PSMD3: variants seen among roughly 807,000 people sequenced by gnomAD.
PSMD3 encodes proteasome 26S subunit, non-ATPase 3.
PSMD3 carries 5 observed loss-of-function variants against 62.8 expected under a neutral mutation model. The observed-to-expected ratio is 0.08, with a 90% confidence interval of 0.04 to 0.17. The LOEUF is 0.17. Among genes scored for constraint, PSMD3 ranks in the 10% least tolerant of loss-of-function variants. PSMD3 has a pLI of 1.00. For missense variants in PSMD3, 524 were observed against 713.6 expected (o/e 0.73, Z 3.03); for synonymous variants, 265 against 283.9 (o/e 0.93, Z 0.67).
At position 39,997,627 on chromosome 17, in the gene PSMD3, C is replaced by G. The variant is rs1980817501; in HGVS notation, c.*46C>G. 1.3e-6 allele frequency: 2 copies of G among 1,589,752 alleles called. No homozygotes were observed. Among genetic ancestry groups the G allele is most frequent in the African/African-American group, 2.7e-5 (2 of 74,450 alleles). On this transcript the variant is annotated 3_prime_UTR_variant, in exon 12 of 12. Transcript: ENST00000264639. The stretch of plus-strand genomic sequence containing the variant: ...TAGGGGGAATGGGGACAGGCTCTTT[C>G]CCCCTTGGGGGTCCCCTGCCCAGGG...
chr17:39,996,486 C>T lies in PSMD3; in HGVS notation c.1476+148C>T, dbSNP rs1980788326. On this transcript the variant is annotated intron_variant, in intron 10 of 11. Transcript: ENST00000264639. The surrounding 1 kb of genome is among the most constrained non-coding windows in gnomAD (Gnocchi z 5.1). The stretch of plus-strand genomic sequence containing the variant: ...TCACTGAGCTGCAGCACAGGGGGCC[C>T]AGAATGGGGAGGGGACTTGGCCATA... 1 of 1,167,384 alleles carries T rather than the reference C, an allele frequency of 8.6e-7. No homozygotes were observed. Among genetic ancestry groups the T allele is most frequent in the Admixed American group, 2.2e-5 (1 of 46,260 alleles). The allele number at this position is 1,167,384 out of a possible 1,614,324, so 72.3% of individuals were successfully genotyped here. A position where few individuals can be genotyped will look rare whatever the true frequency, so the allele number is the denominator to read the frequency against.
chr17:39,982,781 G>A lies in PSMD3; in HGVS notation c.221-1513G>A, dbSNP rs148989834. ...GTGCCTAAGAAACTACTCATTGATT[G>A]CATTCCCTTATTGCTTTGCATTTAA... On this transcript the variant is annotated intron_variant, in intron 1 of 11. Transcript: ENST00000264639. 6.7e-3 allele frequency among the ~76,000 whole-genome samples: 1,017 copies of A among 152,276 alleles called. 5 individuals are homozygous for A. Among genetic ancestry groups the A allele is most frequent in the Non-Finnish European group, 0.011 (747 of 68,012 alleles).
chr17:39,997,593 G>A lies in PSMD3; in HGVS notation c.*12G>A. ...ACAGCTTCCCTTGAGCTGGGGGGCT[G>A]GGGAGGGGTAGGGGGAATGGGGACA... On this transcript the variant is annotated 3_prime_UTR_variant, in exon 12 of 12. Coordinates refer to ENST00000264639, the MANE Select transcript of PSMD3 (RefSeq NM_002809.4). The A allele has an allele frequency of 6.2e-7, 1 of 1,611,642 alleles. No individual in the cohort carries two copies. The highest frequency in any genetic ancestry group is 2.2e-5 in the East Asian group (1 of 44,764).
chr17:39,989,349 G>A (rs1980600396), intron 4 of PSMD3, among the ~76,000 whole-genome samples: 1 of 152,114 alleles, frequency 6.6e-6, no homozygotes, highest in Admixed American at 6.5e-5. Context: ...CCTCCTTCAA[G>A]CCTTCCCTTA....
At chr17:39,992,847 T>C (rs1980692806) in intron 6 of PSMD3, among the ~76,000 whole-genome samples, 1 of 152,190 alleles carries the variant, frequency 6.6e-6, no homozygotes, top group Non-Finnish European at 1.5e-5. Flanking sequence ...GTGTTCTCTC[T>C]GCTCCTTCTC....
Position 39,980,989 on chromosome 17 carries a change from G to T in PSMD3, c.19G>T (p.Ala7Ser). ...GGGTGCCATGAAGCAGGAGGGCTCG[G>T]CGCGGCGCCGCGGCGCGGACAAGGC... MKQEGS[A>S]RRRGADKAKP... Residue 7 changes from alanine to serine, a missense_variant, in exon 1 of 12, where the codon GCG becomes TCG. Coordinates refer to ENST00000264639, the MANE Select transcript of PSMD3 (RefSeq NM_002809.4). The T allele has an allele frequency of 6.5e-7, 1 of 1,546,604 alleles. No individual in the cohort carries two copies. The highest frequency in any genetic ancestry group is 1.2e-5 in the South Asian group (1 of 83,504).
At chr17:39,984,574 T>C in intron 2 of PSMD3, 90 bp downstream of exon 2, 1 of 1,274,662 alleles carries the variant, frequency 7.8e-7, no homozygotes, top group Non-Finnish European at 1.1e-6. Flanking sequence ...CCCATCTTAT[T>C]ACCTGTGGTA....
chr17:39,987,324 T>C (rs1475736100), intron 3 of PSMD3, among the ~76,000 whole-genome samples: 5 of 152,312 alleles, frequency 3.3e-5, no homozygotes, highest in African/African-American at 1.2e-4. Flanking sequence ...GTTTGTTTCC[T>C]TTCCTTACCA....
Position 39,995,596 on chromosome 17 carries a change from G to A in PSMD3, c.1320+69G>A. On this transcript the variant is annotated intron_variant, in intron 9 of 11. Transcript: ENST00000264639. This position sits in a 1 kb window ranked among gnomAD's most constrained non-coding sequence, Gnocchi z 4.1. ...CTGCCAATCTCAGGAGGCAGGAGTGGGAGGAGTTTGGCCAAGGAGGGGAAT... is the reference window on the plus strand; with the variant it reads ...CTGCCAATCTCAGGAGGCAGGAGTGAGAGGAGTTTGGCCAAGGAGGGGAAT... 6.8e-7 allele frequency: 1 copy of A among 1,474,086 alleles called. No individual in the cohort carries two copies. Among genetic ancestry groups the A allele is most frequent in the Non-Finnish European group, 9.5e-7 (1 of 1,055,874 alleles). 91.3% of individuals were successfully genotyped at this position (1,474,086 alleles called of 1,614,324 possible).
rs769448037 is a variant in PSMD3 at position 39,995,551 on chromosome 17, G to A, written c.1320+24G>A. 1 of 1,587,844 alleles carries A rather than the reference G, an allele frequency of 6.3e-7. No individual in the cohort carries two copies. The highest frequency in any genetic ancestry group is 8.6e-7 in the Non-Finnish European group (1 of 1,156,296). On this transcript the variant is annotated intron_variant, in intron 9 of 11. Transcript: ENST00000264639. The surrounding 1 kb of genome is among the most constrained non-coding windows in gnomAD (Gnocchi z 4.1). Reference sequence around the variant, plus strand: ...AGGTGGGGCTGGTTCAGGAACCACAGTGACCAGGTTGTCACTTTCCTGCCA... The same window carrying A: ...AGGTGGGGCTGGTTCAGGAACCACAATGACCAGGTTGTCACTTTCCTGCCA...
intron 1 of PSMD3, among the ~76,000 whole-genome samples, chr17:39,983,194 G>A (rs950756793): frequency 1.1e-4 from 17 of 151,948 alleles, no homozygotes; most frequent in South Asian, 6.2e-4. Flanking sequence ...CACCACGCCC[G>A]GCTAATTTTT....
At chr17:39,994,811 A>G (rs1283274164) in intron 6 of PSMD3, 143 bp from the exon 7 acceptor site, 3 of 691,414 alleles carry the variant, frequency 4.3e-6, no homozygotes, top group East Asian at 5.5e-5. Flanking sequence ...ACAGGTTTTC[A>G]GGGCTTCCTC....
At chr17:39,997,433 G>T in intron 11 of PSMD3, 53 bp downstream of exon 11, 1 of 1,593,564 alleles carries the variant, frequency 6.3e-7, no homozygotes, top group African/African-American at 1.5e-5. Flanking sequence ...CCACACAGAA[G>T]GGGAGTCGGG....
At chr17:39,981,267 G>A in intron 1 of PSMD3, 77 bp downstream of exon 1, 2 of 1,537,080 alleles carry the variant, frequency 1.3e-6, no homozygotes, top group Non-Finnish European at 1.7e-6. Flanking sequence ...TTGCTGGGAA[G>A]CCACAGCAGC....
chr17:39,987,332 C>T (rs1172783957), intron 3 of PSMD3, among the ~76,000 whole-genome samples: 1 of 152,148 alleles, frequency 6.6e-6, no homozygotes, highest in Non-Finnish European at 1.5e-5. Flanking sequence ...CCTTTCCTTA[C>T]CACACTATTT....
rs1251872906 is a variant in PSMD3 at position 39,996,738 on chromosome 17, C to A, written c.1476+400C>A. On this transcript the variant is annotated intron_variant, in intron 10 of 11. Coordinates refer to ENST00000264639, the MANE Select transcript of PSMD3 (RefSeq NM_002809.4). The surrounding 1 kb of genome is among the most constrained non-coding windows in gnomAD (Gnocchi z 5.1). Reference sequence around the variant, plus strand: ...TAAAAGAAGTCCCTGTATTGAGGCACTTAGCGAAGTCTAAATTGTAAAAAA... The same window carrying A: ...TAAAAGAAGTCCCTGTATTGAGGCAATTAGCGAAGTCTAAATTGTAAAAAA... 2.1e-6 allele frequency: 1 copy of A among 472,302 alleles called. No individual in the cohort carries two copies. Among genetic ancestry groups the A allele is most frequent in the African/African-American group, 2.0e-5 (1 of 50,782 alleles). 29.3% of individuals were successfully genotyped at this position (472,302 alleles called of 1,614,324 possible). A position where few individuals can be genotyped will look rare whatever the true frequency, so the allele number is the denominator to read the frequency against.
chr17:39,994,618 T>C, intron 6 of PSMD3: 1 of 333,456 alleles, frequency 3.0e-6, no homozygotes, highest in Non-Finnish European at 5.8e-6. Flanking sequence ...CCCTGGTCCC[T>C]CGCTGTTGCT....
At chr17:39,991,419 G>C (rs1980652957) in intron 6 of PSMD3, among the ~76,000 whole-genome samples, 1 of 152,196 alleles carries the variant, frequency 6.6e-6, no homozygotes, top group Admixed American at 6.5e-5. Context: ...GCCTCCCAAA[G>C]TCCTGGGATT....
At chr17:39,997,111 G>A (rs1980802175) in intron 10 of PSMD3, among the ~76,000 whole-genome samples, 1 of 152,168 alleles carries the variant, frequency 6.6e-6, no homozygotes, top group African/African-American at 2.4e-5. Flanking sequence ...TCCCTGCCCA[G>A]TCAAGAGAGT....
Sources: gnomAD v4.1 joint callset for allele counts (sites outside exome capture counted in the v4.1 genomes callset) on GRCh38, gnomAD v4.1.1 for gene constraint, Gnocchi (gnomAD v3.1) non-coding constraint, MANE v1.5 for transcripts, NCBI Gene and HGNC (gene_info 2026-07-23, HGNC 2026-07-21) for gene names.